The following ATRNL1 variants were observed in gnomAD, a reference collection of about 807,000 sequenced individuals.
ATRNL1 encodes the protein attractin like 1, also known as attractin-like protein 1.
ATRNL1 carries 95 observed loss-of-function variants against 182.7 expected under a neutral mutation model. The ratio of observed to expected loss-of-function variants is 0.52; its 90% CI spans 0.44 to 0.62. The LOEUF (loss-of-function observed/expected upper bound fraction) is 0.62, where lower values mean the gene tolerates loss of function less well. Ranked by LOEUF, ATRNL1 falls within the 20% of genes least tolerant of loss-of-function variation. ATRNL1 has a pLI of 0.00. For missense variants in ATRNL1, 1,471 were observed against 1,679.5 expected (o/e 0.88, Z 2.17); for synonymous variants, 576 against 568.3 (o/e 1.01, Z -0.19).
intron 27 of ATRNL1, among the ~76,000 whole-genome samples, chr10:115,834,801 T>C (rs917096592): frequency 6.6e-6 from 1 of 152,182 alleles, no homozygotes; most frequent in Admixed American, 6.5e-5. Flanking sequence ...TGTATTTTCT[T>C]GCCTTAGTGT....
chr10:115,558,479 C>T (rs555973133), intron 26 of ATRNL1, among the ~76,000 whole-genome samples: 2 of 152,312 alleles, frequency 1.3e-5, no homozygotes, highest in Non-Finnish European at 1.5e-5. Context: ...CTATCCAAGG[C>T]ACTCTCCCTT....
At chr10:115,671,044 C>T (rs1282656026) in intron 26 of ATRNL1, among the ~76,000 whole-genome samples, 2 of 152,058 alleles carry the variant, frequency 1.3e-5, no homozygotes, top group African/African-American at 4.8e-5. Context: ...TGGAGCATTG[C>T]AGAACATGCT....
At chr10:115,702,016 C>T (rs1452055556) in intron 26 of ATRNL1, among the ~76,000 whole-genome samples, 2 of 151,550 alleles carry the variant, frequency 1.3e-5, no homozygotes, top group Non-Finnish European at 3.0e-5. Flanking sequence ...ATGCAAAATT[C>T]CTCAACAAAA....
intron 26 of ATRNL1, among the ~76,000 whole-genome samples, chr10:115,567,798 A>G (rs1213865038): frequency 6.6e-6 from 1 of 152,148 alleles, no homozygotes; most frequent in East Asian, 1.9e-4. Context: ...TTTAATGAGA[A>G]TGGTGAAAAC....
chr10:115,396,738 A>G (rs1324749410), intron 20 of ATRNL1, among the ~76,000 whole-genome samples: 2 of 151,958 alleles, frequency 1.3e-5, no homozygotes, highest in African/African-American at 4.8e-5. Flanking sequence ...GTATAGCCAT[A>G]TAACTATCCA....
intron 3 of ATRNL1, among the ~76,000 whole-genome samples, chr10:115,127,302 G>T (rs1845014398): frequency 6.6e-6 from 1 of 152,072 alleles, no homozygotes; most frequent in Admixed American, 6.6e-5. Context: ...TATTATGACA[G>T]GATGGATAGC....
At chr10:115,637,314 T>C (rs1237568757) in intron 26 of ATRNL1, among the ~76,000 whole-genome samples, 12 of 152,202 alleles carry the variant, frequency 7.9e-5, no homozygotes, top group Admixed American at 7.8e-4. Flanking sequence ...CTGAAGACAT[T>C]CCGGTGTAAT....
chr10:115,465,281 C>A (rs1554970563), intron 22 of ATRNL1, among the ~76,000 whole-genome samples: 3 of 151,564 alleles, frequency 2.0e-5, no homozygotes, highest in Non-Finnish European at 4.4e-5. Flanking sequence ...CATTTGCTAC[C>A]AGATATCTAC....
intron 26 of ATRNL1, among the ~76,000 whole-genome samples, chr10:115,679,613 A>G (rs1945983354): frequency 6.6e-6 from 1 of 152,102 alleles, no homozygotes; most frequent in Non-Finnish European, 1.5e-5. Context: ...GTTTTGGGGT[A>G]ATAACCCCTA....
At chr10:115,942,360 G>A (rs1285473301) in intron 28 of ATRNL1, among the ~76,000 whole-genome samples, 2 of 152,170 alleles carry the variant, frequency 1.3e-5, no homozygotes, top group Admixed American at 6.5e-5. Flanking sequence ...GTTAGATACC[G>A]AAATGACTCA....
chr10:115,621,087 A>C (rs1478795852), intron 26 of ATRNL1, among the ~76,000 whole-genome samples: 5 of 151,868 alleles, frequency 3.3e-5, no homozygotes, highest in Non-Finnish European at 7.4e-5. Flanking sequence ...TGTAACTACA[A>C]AGACTGTTGA....
intron 26 of ATRNL1, among the ~76,000 whole-genome samples, chr10:115,623,511 C>CT (rs1857905834): frequency 6.6e-6 from 1 of 152,010 alleles, no homozygotes; most frequent in Non-Finnish European, 1.5e-5. Flanking sequence ...AATCTATAGT[C>CT]TTAACTATTC....
intron 28 of ATRNL1, among the ~76,000 whole-genome samples, chr10:115,887,251 C>G (rs930815864): frequency 6.6e-6 from 1 of 152,206 alleles, no homozygotes; most frequent in East Asian, 1.9e-4. Context: ...CGAAGGTGCC[C>G]CAAACACAAT....
intron 10 of ATRNL1, among the ~76,000 whole-genome samples, chr10:115,249,045 G>C (rs1458117895): frequency 3.9e-5 from 6 of 152,110 alleles, no homozygotes; most frequent in Admixed American, 3.3e-4. Flanking sequence ...GCAATGGCAT[G>C]ACCTCGGCTC....
At chr10:115,857,198 C>T (rs920641104) in intron 28 of ATRNL1, among the ~76,000 whole-genome samples, 7 of 151,958 alleles carry the variant, frequency 4.6e-5, no homozygotes, top group East Asian at 1.9e-4. Context: ...ATACAAAATA[C>T]GTGTTAATCA....
chr10:115,093,960 C>T lies in ATRNL1; in HGVS notation c.210C>T (p.Phe70=), dbSNP rs201784529. 8.2e-6 allele frequency: 13 copies of T among 1,588,380 alleles called. No homozygotes were observed. The highest frequency in any genetic ancestry group is 2.4e-5 in the East Asian group (1 of 42,266). ...SKPCERTGSC[F]SGRCVNSTCL... Reference sequence around the variant, plus strand: ...CGTGCGAGAGGACCGGCTCCTGCTTCTCGGGCCGCTGTGTCAACTCCACCT... The same window carrying T: ...CGTGCGAGAGGACCGGCTCCTGCTTTTCGGGCCGCTGTGTCAACTCCACCT... Residue 70 remains phenylalanine (F), a synonymous_variant, in exon 1 of 29, where the codon TTC becomes TTT. Transcript: ENST00000355044. This position sits in a 1 kb window ranked among gnomAD's most constrained non-coding sequence, Gnocchi z 6.1.
At chr10:115,558,065 CAAAAAAA>C (rs113014620) in intron 26 of ATRNL1, among the ~76,000 whole-genome samples, 28 of 144,692 alleles carry the variant, frequency 1.9e-4, no homozygotes, top group African/African-American at 7.1e-4. Flanking sequence ...AACAAAAAAA[CAAAAAAA>C]AAAAACCATT....
intron 27 of ATRNL1, chr10:115,820,140 C>G (rs1217769522): frequency 2.6e-5 from 4 of 152,112 alleles, no homozygotes; most frequent in Non-Finnish European, 5.9e-5. Flanking sequence ...AGCTTTTTCT[C>G]TGAGCCTCAC....
intron 25 of ATRNL1, among the ~76,000 whole-genome samples, chr10:115,526,127 C>A (rs1419322263): frequency 6.6e-6 from 1 of 152,136 alleles, no homozygotes; most frequent in Non-Finnish European, 1.5e-5. Context: ...GTTGGTAAAA[C>A]CAACATCCTC....
Sources: allele counts gnomAD v4.1 joint callset (sites outside exome capture counted in the v4.1 genomes callset), GRCh38; gene constraint gnomAD v4.1.1; non-coding constraint Gnocchi (gnomAD v3.1); transcripts MANE v1.5; gene names NCBI Gene and HGNC (gene_info 2026-07-23, HGNC 2026-07-21).